The following LDLRAD4 variants were observed in gnomAD, a reference collection of about 807,000 sequenced individuals.
LDLRAD4 encodes low density lipoprotein receptor class A domain containing 4.
In LDLRAD4, 5 loss-of-function variants were observed where a neutral mutation model predicts 17.0. That is an observed-to-expected ratio of 0.29 (90% confidence interval 0.15 to 0.62). LDLRAD4 has a LOEUF of 0.62. LDLRAD4 is among the 20% of genes least tolerant of loss of function. The pLI is 0.84. For missense variants in LDLRAD4, 340 were observed against 424.7 expected, an observed-to-expected ratio of 0.80 and a Z score of 1.75; for synonymous variants, 168 against 171.8, an observed-to-expected ratio of 0.98 and a Z score of 0.17.
intron 1 of LDLRAD4, among the ~76,000 whole-genome samples, chr18:13,373,774 GAC>G (rs2084691888): frequency 6.6e-6 from 1 of 152,100 alleles, no homozygotes. Context: ...ACTTTTTTGT[GAC>G]ACAGCACACT....
rs149828069 is a variant in LDLRAD4 at position 13,361,954 on chromosome 18, G to A, written c.-382-25387G>A. Among the ~76,000 whole-genome samples the A allele has an allele frequency of 5.4e-4, 82 of 151,898 alleles. 2 individuals are homozygous for A. The East Asian group carries it at 0.012, about 23-fold the overall frequency. ...TAGGAGCGTACTTGACATAGGAGGCGAGTTTTGACTGTATGAAGGTTTAAT... is the reference window on the plus strand; with the variant it reads ...TAGGAGCGTACTTGACATAGGAGGCAAGTTTTGACTGTATGAAGGTTTAAT... On this transcript the variant is annotated intron_variant, in intron 1 of 5. Coordinates refer to ENST00000359446, the Ensembl canonical transcript of LDLRAD4.
At chr18:13,334,163 AT>A (rs1295876431) in intron 1 of LDLRAD4, among the ~76,000 whole-genome samples, 1 of 152,082 alleles carries the variant, frequency 6.6e-6, no homozygotes, top group Non-Finnish European at 1.5e-5. Flanking sequence ...GGGAGTGATA[AT>A]TTGAATGGTA....
At chr18:13,578,825 G>GTTTTTTTTTT (rs1286958694) in intron 3 of LDLRAD4, among the ~76,000 whole-genome samples, 7 of 49,884 alleles carry the variant, frequency 1.4e-4, no homozygotes, top group African/African-American at 2.6e-4. Context: ...AGTTGTCCGG[G>GTTTTTTTTTT]TCTTTTTTTT....
chr18:13,624,180 ACCCACCAGGTGCTGAGCAC>A, intron 4 of LDLRAD4, among the ~76,000 whole-genome samples: 2 of 91,482 alleles, frequency 2.2e-5, no homozygotes, highest in Non-Finnish European at 3.6e-5. Context: ...GCACTGCCGG[ACCCACCAGGTGCTGAGCAC>A]TGCCGGACCC....
At chr18:13,220,654 G>A (rs2041398555) in intron 1 of LDLRAD4, among the ~76,000 whole-genome samples, 1 of 152,228 alleles carries the variant, frequency 6.6e-6, no homozygotes, top group Admixed American at 6.5e-5. Flanking sequence ...CTGGCACGCG[G>A]AGAGCAAGGG....
intron 3 of LDLRAD4, among the ~76,000 whole-genome samples, chr18:13,592,152 A>C (rs2095037707): frequency 6.6e-6 from 1 of 152,188 alleles, no homozygotes; most frequent in Non-Finnish European, 1.5e-5. Flanking sequence ...AGGTGGTTTT[A>C]CCTTGTTGAA....
chr18:13,430,994 G>A (rs2090299121), intron 2 of LDLRAD4, among the ~76,000 whole-genome samples: 1 of 152,174 alleles, frequency 6.6e-6, no homozygotes, highest in South Asian at 2.1e-4. Flanking sequence ...CAGGATTTCT[G>A]TTTAGATGAT....
chr18:13,220,485 G>A (rs2041387294), intron 1 of LDLRAD4, among the ~76,000 whole-genome samples: 1 of 152,178 alleles, frequency 6.6e-6, no homozygotes, highest in African/African-American at 2.4e-5. Context: ...GTGGAACGCA[G>A]CCAGTGCCAG....
rs143337993 is a variant in LDLRAD4 at position 13,549,978 on chromosome 18, C to T, written c.182-71139C>T. The stretch of plus-strand genomic sequence containing the variant: ...TATAATGGAGATGATAATTCTGCCT[C>T]GTGGATTCTTCTGAACTGCTGCCAT... On this transcript the variant is annotated intron_variant, in intron 3 of 5. Coordinates refer to ENST00000359446, the Ensembl canonical transcript of LDLRAD4. 3.9e-4 allele frequency among the ~76,000 whole-genome samples: 60 copies of T among 152,282 alleles called. 1 individual carries two copies. The South Asian group carries it at 9.8e-3, about 25-fold the overall frequency.
At chr18:13,387,834 T>C in intron 2 of LDLRAD4, 72 bp downstream of exon 3, 1 of 1,361,224 alleles carries the variant, frequency 7.3e-7, no homozygotes, top group Non-Finnish European at 1.1e-6. Context: ...AACCACTGCA[T>C]GCAGTGAACC....
chr18:13,568,572 C>A (rs1220026577), intron 3 of LDLRAD4, among the ~76,000 whole-genome samples: 1 of 152,212 alleles, frequency 6.6e-6, no homozygotes, highest in Admixed American at 6.5e-5. Flanking sequence ...CACACCGCTT[C>A]TGCCACTGTC....
intron 4 of LDLRAD4, among the ~76,000 whole-genome samples, chr18:13,623,419 C>A (rs1199464297): frequency 6.6e-6 from 1 of 152,240 alleles, no homozygotes. Flanking sequence ...CGTTCTGGAG[C>A]TGAGCTGGGG....
intron 3 of LDLRAD4, chr18:13,501,300 C>T (rs981623991): frequency 1.3e-5 from 2 of 152,168 alleles, no homozygotes; most frequent in African/African-American, 4.8e-5. Context: ...AATGTGGTCT[C>T]CTGCAGTAGA....
intron 3 of LDLRAD4, among the ~76,000 whole-genome samples, chr18:13,553,067 T>C (rs1403078611): frequency 6.6e-6 from 1 of 152,246 alleles, no homozygotes; most frequent in Non-Finnish European, 1.5e-5. Flanking sequence ...TTTTATATTT[T>C]TAGTAAATGT....
chr18:13,572,474 T>C (rs564035831), intron 3 of LDLRAD4, among the ~76,000 whole-genome samples: 2 of 152,354 alleles, frequency 1.3e-5, no homozygotes, highest in South Asian at 2.1e-4. Flanking sequence ...TTGGCCTTTT[T>C]ACTGATTTTT....
At chr18:13,612,115 A>C (rs1349895637) in intron 3 of LDLRAD4, 1 of 985,658 alleles carries the variant, frequency 1.0e-6, no homozygotes, top group Non-Finnish European at 1.2e-6. Flanking sequence ...GCAGAGATCA[A>C]GGGAAGGAGT....
chr18:13,456,361 C>G (rs1475684813), intron 3 of LDLRAD4, among the ~76,000 whole-genome samples: 1 of 152,198 alleles, frequency 6.6e-6, no homozygotes, highest in Admixed American at 6.5e-5. Context: ...CTCGCCTTCC[C>G]TCCTGCTCCC....
Position 13,629,239 on chromosome 18 carries a change from G to T in LDLRAD4, c.336+7968G>T, listed in dbSNP as rs147055544. 3.3e-5 allele frequency among the ~76,000 whole-genome samples: 5 copies of T among 152,264 alleles called. No homozygotes were observed. In the East Asian group the frequency reaches 9.6e-4, roughly 29 times the overall value. ...AAAGAGCAAATAGTTTTGCTCTTGG[G>T]GATAGATTTGATTTTTGGTACCAGC... On this transcript the variant is annotated intron_variant, in intron 4 of 5. Coordinates refer to ENST00000359446, the Ensembl canonical transcript of LDLRAD4.
At chr18:13,327,163 G>A (rs1169205458) in intron 1 of LDLRAD4, among the ~76,000 whole-genome samples, 2 of 151,988 alleles carry the variant, frequency 1.3e-5, no homozygotes, top group Non-Finnish European at 2.9e-5. Context: ...TATCTGCAGG[G>A]CTTCTGCATG....
Sources: gnomAD v4.1 joint callset for allele counts (sites outside exome capture counted in the v4.1 genomes callset) on GRCh38, gnomAD v4.1.1 for gene constraint, MANE v1.5 for transcripts, NCBI Gene and HGNC (gene_info 2026-07-23, HGNC 2026-07-21) for gene names.